The following ARL6IP5 variants were observed in gnomAD, a reference collection of about 807,000 sequenced individuals.
The protein encoded by ARL6IP5 is ARF like GTPase 6 interacting protein 5, also known as PRA1 family protein 3.
A neutral mutation model predicts 13.0 loss-of-function variants in ARL6IP5; 6 were observed. That is an observed-to-expected ratio of 0.46 (90% CI 0.25 to 0.91). The LOEUF (loss-of-function observed/expected upper bound fraction) is 0.91, where lower values mean the gene tolerates loss of function less well. Among genes scored for constraint, ARL6IP5 ranks in the 40% least tolerant of loss-of-function variants. The pLI, the probability that ARL6IP5 is intolerant of heterozygous loss-of-function variation, is 0.17. For missense variants in ARL6IP5, 208 were observed against 248.8 expected (o/e 0.84, Z 1.10); for synonymous variants, 91 against 91.9 (o/e 0.99, Z 0.06).
At chr3:69,101,652 G>C (rs1261302174) in intron 1 of ARL6IP5, among the ~76,000 whole-genome samples, 187 bp from the exon 2 acceptor site, 2 of 151,994 alleles carry the variant, frequency 1.3e-5, no homozygotes. Context: ...CTGTGCCTTA[G>C]CTTCTTCATT....
intron 1 of ARL6IP5, among the ~76,000 whole-genome samples, chr3:69,093,311 C>G (rs774650873): frequency 6.6e-6 from 1 of 152,110 alleles, no homozygotes; most frequent in African/African-American, 2.4e-5. Context: ...ACAATAAATC[C>G]TCTAGGCCTT....
intron 1 of ARL6IP5, among the ~76,000 whole-genome samples, chr3:69,090,310 A>G (rs937949724): frequency 6.6e-6 from 1 of 152,230 alleles, no homozygotes; most frequent in African/African-American, 2.4e-5. Flanking sequence ...CATTACTCTT[A>G]TTTGTGTTGC....
At chr3:69,094,228 A>C (rs2092279652) in intron 1 of ARL6IP5, among the ~76,000 whole-genome samples, 1 of 152,134 alleles carries the variant, frequency 6.6e-6, no homozygotes, top group South Asian at 2.1e-4. Context: ...CTAATTACTA[A>C]GGCACTTCTT....
At chr3:69,095,701 G>A (rs13322741) in intron 1 of ARL6IP5, among the ~76,000 whole-genome samples, 57,034 of 151,750 alleles carry the variant, frequency 0.38, 10,855 homozygotes, top group Non-Finnish European at 0.41. Context: ...CGCCATGTTG[G>A]CCAGGCTGGT....
chr3:69,102,333 G>T, intron 2 of ARL6IP5: 1 of 449,426 alleles, frequency 2.2e-6, no homozygotes, highest in Non-Finnish European at 4.1e-6. Flanking sequence ...TTGAGATGGG[G>T]TCTACTCTGT....
chr3:69,088,340 G>T (rs1020080967), intron 1 of ARL6IP5, among the ~76,000 whole-genome samples: 8 of 152,156 alleles, frequency 5.3e-5, no homozygotes, highest in African/African-American at 1.4e-4. Flanking sequence ...AGAATATCTT[G>T]GTAGAGTATA....
At chr3:69,100,980 C>T (rs1206417273) in intron 1 of ARL6IP5, among the ~76,000 whole-genome samples, 1 of 151,922 alleles carries the variant, frequency 6.6e-6, no homozygotes, top group Non-Finnish European at 1.5e-5. Context: ...TCCAGGAGAA[C>T]AAGAAATCCC....
Position 69,101,874 on chromosome 3 carries a change from T to G in ARL6IP5, c.212T>G (p.Ile71Ser). ...CCCTTCAACATGATCCTGGGAGGAA[T>G]CGTGGTGGTGCTGGTGTTCACAGGG... ...LSPFNMILGG[I>S]VVVLVFTGFV... Residue 71 changes from isoleucine (I) to serine (S), a missense_variant, in exon 2 of 3, where the codon ATC becomes AGC. Coordinates refer to ENST00000273258, the MANE Select transcript of ARL6IP5 (RefSeq NM_006407.4). The G allele has an allele frequency of 1.2e-6, 2 of 1,613,974 alleles. No homozygotes were observed. Among genetic ancestry groups the G allele is most frequent in the Non-Finnish European group, 1.7e-6 (2 of 1,179,962 alleles).
chr3:69,101,923 A>G lies in ARL6IP5; in HGVS notation c.261A>G (p.Lys87=). 6.2e-7 allele frequency: 1 copy of G among 1,614,086 alleles called. No homozygotes were observed. The highest frequency in any genetic ancestry group is 8.5e-7 in the Non-Finnish European group (1 of 1,180,026). The change falls in exon 2 of 3, where the codon AAA becomes AAG. Residue 87 remains lysine (K), a synonymous_variant. Transcript: ENST00000273258. ...FTGFVWAAHN[K]DVLRRMKKRY... ...GGTTTGTGTGGGCAGCCCACAATAA[A>G]GACGTCCTTCGCCGGATGAAGAAGC...
At chr3:69,089,747 GC>G (rs1304103177) in intron 1 of ARL6IP5, 7 of 454,214 alleles carry the variant, frequency 1.5e-5, no homozygotes, top group Non-Finnish European at 2.7e-5. Flanking sequence ...AAATGCCTCT[GC>G]TGCTTCTCCA....
chr3:69,095,435 AC>A (rs1407096472), intron 1 of ARL6IP5, among the ~76,000 whole-genome samples: 1 of 151,580 alleles, frequency 6.6e-6, no homozygotes, highest in Non-Finnish European at 1.5e-5. Flanking sequence ...CAATAGAAAA[AC>A]ATAACGGTTT....
intron 1 of ARL6IP5, among the ~76,000 whole-genome samples, chr3:69,101,348 G>A (rs1260431588): frequency 4.9e-5 from 6 of 122,564 alleles, no homozygotes; most frequent in African/African-American, 2.3e-4. Flanking sequence ...AATGAGATAA[G>A]GTCTCACTCT....
At chr3:69,088,980 A>C (rs1032680453) in intron 1 of ARL6IP5, among the ~76,000 whole-genome samples, 19 of 152,174 alleles carry the variant, frequency 1.2e-4, no homozygotes, top group Non-Finnish European at 2.6e-4. Flanking sequence ...GAGCTGGAGA[A>C]CTCTGTTCAG....
At chr3:69,088,938 T>C (rs2092256544) in intron 1 of ARL6IP5, among the ~76,000 whole-genome samples, 1 of 152,226 alleles carries the variant, frequency 6.6e-6, no homozygotes, top group Non-Finnish European at 1.5e-5. Flanking sequence ...GGATGAAAAC[T>C]TCTTTGTGCT....
intron 1 of ARL6IP5, among the ~76,000 whole-genome samples, chr3:69,097,604 T>C (rs1575862064): frequency 6.6e-6 from 1 of 152,322 alleles, no homozygotes. Flanking sequence ...GATTCTTTCC[T>C]TCCTCAGGCG....
intron 1 of ARL6IP5, among the ~76,000 whole-genome samples, chr3:69,089,637 TAAAA>T (rs35599045): frequency 7.5e-6 from 1 of 132,460 alleles, no homozygotes. Flanking sequence ...AAACCCTGTC[TAAAA>T]AAAAAAAAAA....
intron 1 of ARL6IP5, among the ~76,000 whole-genome samples, chr3:69,095,651 C>A (rs1048628592): frequency 6.6e-6 from 1 of 152,062 alleles, no homozygotes; most frequent in Non-Finnish European, 1.5e-5. Flanking sequence ...TGCGCCACCA[C>A]GCCCAGCTAA....
At position 69,093,772 on chromosome 3, in the gene ARL6IP5, AAAAAG is replaced by A. The variant is rs1015422542; in HGVS notation, c.177-8052_177-8048del. 1.4e-4 allele frequency among the ~76,000 whole-genome samples: 21 copies of A among 147,320 alleles called. No individual in the cohort carries two copies. The South Asian group carries it at 1.5e-3, about 11-fold the overall frequency. ...GGAGATTCTGTCTCAAAAAAAAAAA[AAAAAG>A]AAAAGAAAAGAAAAAAATTAAAAAT... On this transcript the variant is annotated intron_variant, in intron 1 of 2. Transcript: ENST00000273258.
chr3:69,098,084 T>C (rs951649784), intron 1 of ARL6IP5, among the ~76,000 whole-genome samples: 1 of 140,066 alleles, frequency 7.1e-6, no homozygotes, highest in African/African-American at 2.7e-5. Flanking sequence ...TTTCTATTTC[T>C]TTTTTTTTTG....
Sources: allele counts gnomAD v4.1 joint callset (sites outside exome capture counted in the v4.1 genomes callset), GRCh38; gene constraint gnomAD v4.1.1; transcripts MANE v1.5; gene names NCBI Gene and HGNC (gene_info 2026-07-23, HGNC 2026-07-21).